ZNF680: variants seen among roughly 807,000 people sequenced by gnomAD.
The protein encoded by ZNF680 is hypothetical protein FLJ90430.
A neutral mutation model predicts 12.1 loss-of-function variants in ZNF680; 6 were observed. That is an observed-to-expected ratio of 0.49 (90% CI 0.27 to 0.98). The LOEUF is 0.98. Among genes scored for constraint, ZNF680 ranks in the 50% least tolerant of loss-of-function variants. The pLI is 0.12. For synonymous variants in ZNF680, 170 were observed against 199.3 expected, an observed-to-expected ratio of 0.85 and a Z score of 1.24; for missense variants, 561 against 616.3, an observed-to-expected ratio of 0.91 and a Z score of 0.95.
At chr7:64,507,669 G>A in the ZNF680 span, among the ~76,000 whole-genome samples, 2 of 151,266 alleles carry the variant, frequency 1.3e-5, no homozygotes, top group African/African-American at 4.9e-5. Context: ...TATTATATAG[G>A]TATATTAAAA....
chr7:64,506,378 C>T, the ZNF680 span, among the ~76,000 whole-genome samples: 119 of 152,066 alleles, frequency 7.8e-4, no homozygotes, highest in African/African-American at 2.3e-3. Context: ...TTAGTAGAGA[C>T]GGGGTTTCAC....
downstream of ZNF680, among the ~76,000 whole-genome samples, chr7:64,518,298 T>C (rs760926685): frequency 1.3e-5 from 2 of 151,864 alleles, no homozygotes; most frequent in Non-Finnish European, 2.9e-5. Flanking sequence ...GGTTGAGAAT[T>C]AAATCAAGAA....
chr7:64,550,185 T>G (rs754678001), intron 1 of ZNF680, among the ~76,000 whole-genome samples: 4 of 152,238 alleles, frequency 2.6e-5, no homozygotes, highest in Non-Finnish European at 5.9e-5. Flanking sequence ...TTAGAAATTC[T>G]TATTTATTTA....
chr7:64,555,378 A>G (rs1231660792), intron 1 of ZNF680, among the ~76,000 whole-genome samples: 4 of 152,010 alleles, frequency 2.6e-5, no homozygotes, highest in African/African-American at 9.7e-5. Flanking sequence ...ATACAAATAC[A>G]TGGAAATTAT....
At chr7:64,530,903 AT>A (rs1785839111) in intron 3 of ZNF680, among the ~76,000 whole-genome samples, 1 of 150,306 alleles carries the variant, frequency 6.7e-6, no homozygotes, top group Non-Finnish European at 1.5e-5. Flanking sequence ...AGTAATAATA[AT>A]AATAATAAAA....
At chr7:64,544,563 G>C (rs1786683582) in intron 1 of ZNF680, 131 bp from the exon 2 acceptor site, 2 of 1,411,818 alleles carry the variant, frequency 1.4e-6, no homozygotes, top group Non-Finnish European at 1.9e-6. Context: ...ACTTACAGGA[G>C]TGAGTCAAAT....
chr7:64,530,340 T>G (rs1250952442), intron 3 of ZNF680, among the ~76,000 whole-genome samples: 1 of 152,184 alleles, frequency 6.6e-6, no homozygotes, highest in Admixed American at 6.5e-5. Flanking sequence ...TAACATTGAA[T>G]GTAAGTGGCC....
intron 3 of ZNF680, chr7:64,525,562 A>C (rs73128770): frequency 0.23 from 44,476 of 192,038 alleles, 5,352 homozygotes; most frequent in South Asian, 0.29. Context: ...ATAGTTTTTT[A>C]ATGGGTATTG....
the ZNF680 span, among the ~76,000 whole-genome samples, chr7:64,510,198 T>G: frequency 6.8e-6 from 1 of 146,114 alleles, no homozygotes; most frequent in Non-Finnish European, 1.5e-5. Flanking sequence ...AAAACCTAAT[T>G]AAAGTCTTGG....
chr7:64,507,863 ACACACACACACACAC>A, the ZNF680 span, among the ~76,000 whole-genome samples: 2 of 75,222 alleles, frequency 2.7e-5, no homozygotes, highest in African/African-American at 1.1e-4. Flanking sequence ...ACACACACAC[ACACACACACACACAC>A]ATTTTTTTAT....
At chr7:64,539,815 A>T (rs1479576799) in intron 3 of ZNF680, among the ~76,000 whole-genome samples, 1 of 151,950 alleles carries the variant, frequency 6.6e-6, no homozygotes, top group Non-Finnish European at 1.5e-5. Context: ...GCCTGTCTTT[A>T]AAAATAGTTT....
chr7:64,500,777 T>C, the ZNF680 span: 1 of 333,758 alleles, frequency 3.0e-6, no homozygotes. Flanking sequence ...GAATCTCTTC[T>C]CCCTCCTTCC....
chr7:64,508,566 C>G, the ZNF680 span, among the ~76,000 whole-genome samples: 3 of 149,000 alleles, frequency 2.0e-5, no homozygotes, highest in South Asian at 6.2e-4. Context: ...TAATCAGTCA[C>G]TTACAACGTG....
chr7:64,558,450 C>T (rs1331146822), intron 1 of ZNF680, among the ~76,000 whole-genome samples: 1 of 151,978 alleles, frequency 6.6e-6, no homozygotes, highest in South Asian at 2.1e-4. Context: ...CCTCTCTCAC[C>T]CTGGGAGGAG....
intron 3 of ZNF680, among the ~76,000 whole-genome samples, chr7:64,541,106 C>T (rs1025065799): frequency 6.6e-6 from 1 of 151,976 alleles, no homozygotes; most frequent in African/African-American, 2.4e-5. Context: ...ATGGTTAGCA[C>T]TTCTTATATA....
At chr7:64,554,476 C>T (rs531509965) in intron 1 of ZNF680, among the ~76,000 whole-genome samples, 2 of 152,270 alleles carry the variant, frequency 1.3e-5, no homozygotes, top group South Asian at 4.1e-4. Flanking sequence ...TGACCGGCTG[C>T]CCCGTCTGGG....
chr7:64,541,378 C>G (rs1786490225), intron 3 of ZNF680, among the ~76,000 whole-genome samples: 2 of 152,158 alleles, frequency 1.3e-5, no homozygotes, highest in Non-Finnish European at 2.9e-5. Flanking sequence ...TGCTTATCAT[C>G]CCACAGCAAG....
intron 1 of ZNF680, among the ~76,000 whole-genome samples, chr7:64,546,410 A>G (rs1786788540): frequency 6.6e-6 from 1 of 152,150 alleles, no homozygotes; most frequent in African/African-American, 2.4e-5. Flanking sequence ...ATACAAGAAG[A>G]GATTCGGGAA....
intron 3 of ZNF680, among the ~76,000 whole-genome samples, chr7:64,538,220 C>T (rs1303738149): frequency 2.0e-5 from 3 of 152,044 alleles, no homozygotes; most frequent in Non-Finnish European, 4.4e-5. Context: ...GCACCATTTT[C>T]TTAGATACAA....
Sources: gnomAD v4.1 joint callset for allele counts (sites outside exome capture counted in the v4.1 genomes callset) on GRCh38, gnomAD v4.1.1 for gene constraint, MANE v1.5 for transcripts, NCBI Gene and HGNC (gene_info 2026-07-23, HGNC 2026-07-21) for gene names.